The following PPP3CA variants were observed in gnomAD, a reference collection of about 807,000 sequenced individuals.
PPP3CA encodes the protein CAM-PRP catalytic subunit.
In PPP3CA, 14 loss-of-function variants were observed where a neutral mutation model predicts 66.5. The observed-to-expected ratio is 0.21, with a 90% CI of 0.14 to 0.33. The LOEUF (loss-of-function observed/expected upper bound fraction) is 0.33. Ranked by LOEUF, PPP3CA falls within the 10% of genes least tolerant of loss-of-function variation. The probability of loss-of-function intolerance (pLI) is 1.00; values close to 1 mark genes in which losing one functional copy is unlikely to be tolerated. For missense variants in PPP3CA, 317 were observed against 639.5 expected, an observed-to-expected ratio of 0.50 and a Z score of 5.44; for synonymous variants, 232 against 226.2, an observed-to-expected ratio of 1.03 and a Z score of -0.23.
intron 1 of PPP3CA, among the ~76,000 whole-genome samples, chr4:101,199,352 C>T: frequency 6.8e-6 from 1 of 146,250 alleles, no homozygotes; most frequent in Non-Finnish European, 1.5e-5. Flanking sequence ...AGTCTTACAA[C>T]AAGTTGCTTT....
chr4:101,188,663 T>G (rs543309358), intron 2 of PPP3CA, among the ~76,000 whole-genome samples: 3 of 152,270 alleles, frequency 2.0e-5, no homozygotes, highest in African/African-American at 7.2e-5. Context: ...TTGGGCTCTT[T>G]TGAAGGCTTT....
At chr4:101,240,317 C>T (rs1234904302) in intron 1 of PPP3CA, among the ~76,000 whole-genome samples, 1 of 152,004 alleles carries the variant, frequency 6.6e-6, no homozygotes, top group African/African-American at 2.4e-5. Flanking sequence ...CTGGGAAGTA[C>T]CAAATTACAT....
chr4:101,136,353 C>A (rs1003771680), intron 2 of PPP3CA, among the ~76,000 whole-genome samples: 1 of 151,912 alleles, frequency 6.6e-6, no homozygotes, highest in Non-Finnish European at 1.5e-5. Context: ...CCAACCTGGC[C>A]AACATAATGA....
chr4:101,131,424 A>G (rs551664445), intron 2 of PPP3CA, among the ~76,000 whole-genome samples: 1 of 149,830 alleles, frequency 6.7e-6, no homozygotes, highest in South Asian at 2.1e-4. Context: ...ATAGAAAGAA[A>G]AAAAAAAAAA....
At chr4:101,250,285 C>G (rs567691190) in intron 1 of PPP3CA, 2 of 452,726 alleles carry the variant, frequency 4.4e-6, no homozygotes, top group African/African-American at 4.0e-5. Flanking sequence ...TCAGACAGAC[C>G]TGAATACTAA....
At chr4:101,251,474 A>C (rs562793591) in intron 1 of PPP3CA, among the ~76,000 whole-genome samples, 1 of 152,120 alleles carries the variant, frequency 6.6e-6, no homozygotes, top group East Asian at 1.9e-4. Flanking sequence ...ATTACACAGG[A>C]CAAAAATTAA....
At chr4:101,305,200 T>G (rs1270954791) in intron 1 of PPP3CA, among the ~76,000 whole-genome samples, 1 of 152,194 alleles carries the variant, frequency 6.6e-6, no homozygotes, top group Admixed American at 6.5e-5. Flanking sequence ...CTCAAAATGT[T>G]TCTGGGCATC....
chr4:101,169,738 T>A (rs1474331768), intron 2 of PPP3CA, among the ~76,000 whole-genome samples: 1 of 9,956 alleles, frequency 1.0e-4, no homozygotes, highest in Admixed American at 1.3e-3. Flanking sequence ...AGTAAATGCC[T>A]TTTTTTTTTT....
Position 101,025,300 on chromosome 4 carries a change from TTC to T in PPP3CA, c.*563_*564del, listed in dbSNP as rs1463377340. ...ATTTGCAACGTTCTTTTTTTTCTTT[TTC>T]TGTTTTTTTTTTTTTTTAAGACTGC... On this transcript the variant is annotated 3_prime_UTR_variant, in exon 14 of 14. Transcript: ENST00000394854. The T allele has an allele frequency of 1.1e-4, 14 of 132,196 alleles. No individual in the cohort carries two copies. The highest frequency in any genetic ancestry group is 3.8e-4 in the African/African-American group (14 of 36,660). 8.2% of individuals were successfully genotyped at this position (132,196 alleles called of 1,614,324 possible).
chr4:101,183,369 C>T (rs1009426222), intron 2 of PPP3CA, among the ~76,000 whole-genome samples: 5 of 152,030 alleles, frequency 3.3e-5, no homozygotes, highest in Admixed American at 1.3e-4. Context: ...TTCCTCATAC[C>T]GCACTGACAA....
At chr4:101,328,253 T>C (rs1051117591) in intron 1 of PPP3CA, among the ~76,000 whole-genome samples, 20 of 152,150 alleles carry the variant, frequency 1.3e-4, no homozygotes, top group Non-Finnish European at 2.5e-4. Flanking sequence ...CGTTTATGAA[T>C]CACAAGAACA....
In PPP3CA at chr4:101,244,847, G is replaced by A. The variant is rs541495336; in HGVS notation, c.59-48731C>T. Among the ~76,000 whole-genome samples, 20 of 152,252 alleles carry A rather than the reference G, an allele frequency of 1.3e-4. No individual in the cohort carries two copies. The East Asian group carries it at 3.9e-3, about 29-fold the overall frequency. ...CTCTCTGTTCTTCGTTGAAATACCT[G>A]CCTGCAAAATGTTTAGAGATGCCAA... On this transcript the variant is annotated intron_variant, in intron 1 of 13. Coordinates refer to ENST00000394854, the MANE Select transcript of PPP3CA (RefSeq NM_000944.5).
chr4:101,107,952 T>C (rs558065493), intron 3 of PPP3CA: 1 of 152,314 alleles, frequency 6.6e-6, no homozygotes, highest in African/African-American at 2.4e-5. Flanking sequence ...TTAAAACTTA[T>C]TCAATTTCAA....
chr4:101,168,686 C>G (rs1029949797), intron 2 of PPP3CA, among the ~76,000 whole-genome samples: 5 of 151,994 alleles, frequency 3.3e-5, no homozygotes, highest in African/African-American at 1.2e-4. Flanking sequence ...TCAGGAGGTC[C>G]AATGAAAGAA....
intron 2 of PPP3CA, among the ~76,000 whole-genome samples, chr4:101,133,893 C>T (rs1427266042): frequency 6.6e-6 from 1 of 152,102 alleles, no homozygotes; most frequent in Admixed American, 6.5e-5. Context: ...GGTACCAAAA[C>T]AGATATATAG....
intron 10 of PPP3CA, among the ~76,000 whole-genome samples, chr4:101,052,836 A>G (rs1455427874): frequency 6.6e-6 from 1 of 152,028 alleles, no homozygotes; most frequent in African/African-American, 2.4e-5. Flanking sequence ...AATTCATAAA[A>G]GTTTATTTTT....
intron 2 of PPP3CA, among the ~76,000 whole-genome samples, chr4:101,141,175 G>A (rs1722796469): frequency 6.6e-6 from 1 of 152,074 alleles, no homozygotes; most frequent in South Asian, 2.1e-4. Context: ...TTCGAGATCA[G>A]CCTGACCAAA....
intron 2 of PPP3CA, among the ~76,000 whole-genome samples, chr4:101,190,989 T>G (rs1472818768): frequency 1.3e-5 from 2 of 152,156 alleles, no homozygotes; most frequent in Non-Finnish European, 2.9e-5. Flanking sequence ...AGAAGTAGAA[T>G]AGTGTAGTAT....
In PPP3CA at chr4:101,099,689, A is replaced by G; in HGVS notation, c.418T>C (p.Tyr140His). 6.3e-7 allele frequency: 1 copy of G among 1,588,706 alleles called. No individual in the cohort carries two copies. The highest frequency in any genetic ancestry group is 8.6e-7 in the Non-Finnish European group (1 of 1,166,822). The change falls in exon 4 of 14, where the codon TAC becomes CAC. Residue 140 changes from tyrosine (Y) to histidine (H), a missense_variant. Transcript: ENST00000394854. ...VLYLWALKIL[Y>H]PKTLFLLRGN... ...CGAAGTAAAAACAGTGTTTTGGGGT[A>G]GAGAATTTTCAAGGCCCACAAATAC...
Sources: allele counts gnomAD v4.1 joint callset (sites outside exome capture counted in the v4.1 genomes callset), GRCh38; gene constraint gnomAD v4.1.1; transcripts MANE v1.5; gene names NCBI Gene and HGNC (gene_info 2026-07-23, HGNC 2026-07-21).